The following CACNA1E variants were observed in gnomAD, a reference collection of about 807,000 sequenced individuals.
CACNA1E encodes the protein voltage-dependent R-type calcium channel subunit alpha-1E.
In CACNA1E, 40 loss-of-function variants were observed where a neutral mutation model predicts 259.2. The ratio of observed to expected loss-of-function variants is 0.15; its 90% confidence interval spans 0.12 to 0.20. The LOEUF is 0.20. Ranked by LOEUF, CACNA1E falls within the 10% of genes least tolerant of loss-of-function variation. The pLI is 1.00. For synonymous variants in CACNA1E, 1,104 were observed against 1,138.5 expected, an observed-to-expected ratio of 0.97 and a Z score of 0.61; for missense variants, 1,874 against 3,040.1, an observed-to-expected ratio of 0.62 and a Z score of 9.02.
At chr1:181,717,008 G>A (rs1653958957) in intron 10 of CACNA1E, 85 bp from the exon 11 acceptor site, 7 of 1,094,988 alleles carry the variant, frequency 6.4e-6, no homozygotes, top group Non-Finnish European at 9.7e-6. Context: ...TGGGACTAGA[G>A]CAGCCCATCT....
intron 44 of CACNA1E, among the ~76,000 whole-genome samples, chr1:181,791,920 T>C (rs545101922): frequency 6.6e-6 from 1 of 152,176 alleles, no homozygotes; most frequent in East Asian, 1.9e-4. Context: ...CTCAAACAAA[T>C]GCGTGCTTCT....
At chr1:181,321,146 G>A (rs3894267) in intron 1 of CACNA1E, among the ~76,000 whole-genome samples, 59,077 of 151,932 alleles carry the variant, frequency 0.39, 12,484 homozygotes, top group East Asian at 0.72. Flanking sequence ...TCATTACCTC[G>A]AGGACGGTGC....
chr1:181,371,702 G>A (rs1654721344), intron 1 of CACNA1E, among the ~76,000 whole-genome samples: 1 of 151,944 alleles, frequency 6.6e-6, no homozygotes, highest in Non-Finnish European at 1.5e-5. Context: ...TTTCTATTAG[G>A]GTTTTTATAG....
At chr1:181,581,740 G>A (rs1037563148) in intron 6 of CACNA1E, among the ~76,000 whole-genome samples, 2 of 152,132 alleles carry the variant, frequency 1.3e-5, no homozygotes, top group Non-Finnish European at 1.5e-5. Context: ...AAAGCAGTTT[G>A]GGCAGGTGCT....
chr1:181,597,670 C>A (rs1653326465), intron 6 of CACNA1E, among the ~76,000 whole-genome samples: 1 of 152,148 alleles, frequency 6.6e-6, no homozygotes, highest in African/African-American at 2.4e-5. Flanking sequence ...TAAAGACATA[C>A]CTGAGACTGG....
chr1:181,574,201 C>A (rs996580422), intron 3 of CACNA1E, among the ~76,000 whole-genome samples: 3 of 152,158 alleles, frequency 2.0e-5, no homozygotes, highest in African/African-American at 7.2e-5. Flanking sequence ...ATACCTAGGT[C>A]ACGGGTTGAT....
intron 6 of CACNA1E, among the ~76,000 whole-genome samples, chr1:181,633,506 T>C (rs945804617): frequency 6.6e-6 from 1 of 152,080 alleles, no homozygotes; most frequent in African/African-American, 2.4e-5. Context: ...TTTTTTATTT[T>C]TTTGAGATGG....
At chr1:181,692,716 A>T (rs1314941856) in intron 7 of CACNA1E, among the ~76,000 whole-genome samples, 1 of 152,124 alleles carries the variant, frequency 6.6e-6, no homozygotes, top group Non-Finnish European at 1.5e-5. Context: ...CCTAGGAAAC[A>T]CCATTTTGGA....
At position 181,641,716 on chromosome 1, in the gene CACNA1E, T is replaced by TG. The variant is rs1553308071; in HGVS notation, c.952-9622_952-9621insG. Among the ~76,000 whole-genome samples, 983 of 33,488 alleles carry TG rather than the reference T, an allele frequency of 0.029. 66 individuals carry two copies. The East Asian group carries it at 0.37, about 13-fold the overall frequency. The allele number at this position is 33,488 out of a possible 152,430, so 22.0% of individuals were successfully genotyped here. A position where few individuals can be genotyped will look rare whatever the true frequency, so the allele number is the denominator to read the frequency against. On this transcript the variant is annotated intron_variant, in intron 6 of 47. Transcript: ENST00000367573. ...CACTAATTTTTTGTTTTTTTTTTTT[T>TG]TTTTTTTTTTTTTTTGAGACAGAGT...
chr1:181,621,523 A>G (rs1655716455), intron 6 of CACNA1E, among the ~76,000 whole-genome samples: 1 of 152,196 alleles, frequency 6.6e-6, no homozygotes, highest in South Asian at 2.1e-4. Flanking sequence ...TGTAAAAGGG[A>G]GACAGAAAAA....
chr1:181,733,646 T>C lies in CACNA1E; in HGVS notation c.3158T>C (p.Leu1053Pro). Residue 1053 changes from leucine (L) to proline (P), a missense_variant, in exon 21 of 48, where the codon CTC becomes CCC. By Grantham distance (98) the Leu-to-Pro change is moderately conservative. Around this residue, in one of 14 missense-constraint regions of CACNA1E, gnomAD observed 476 missense variants for 514.0 expected, o/e 0.93. Transcript: ENST00000367573. ...GRVISQSEPD[L>P]SCITANTDKA... ...GTCATCAGCCAGAGCGAGCCTGACC[T>C]CTCCTGCATCACGGCCAACACGGAC... is the stretch of plus-strand genomic sequence containing the variant. The C allele has an allele frequency of 6.2e-7, 1 of 1,611,846 alleles. No homozygotes were observed.
chr1:181,724,615 A>C (rs1409317998), intron 17 of CACNA1E, 78 bp downstream of exon 17: 6 of 1,210,536 alleles, frequency 5.0e-6, no homozygotes, highest in Non-Finnish European at 7.2e-6. Flanking sequence ...TCTCTCCCAA[A>C]GTCTACATTG....
chr1:181,410,101 C>T (rs781741498), intron 1 of CACNA1E, among the ~76,000 whole-genome samples: 1 of 151,974 alleles, frequency 6.6e-6, no homozygotes, highest in African/African-American at 2.4e-5. Flanking sequence ...ATGCTAAGGC[C>T]TGGGGAGGGA....
At chr1:181,704,625 AGT>A (rs1200827433) in intron 7 of CACNA1E, among the ~76,000 whole-genome samples, 1 of 152,054 alleles carries the variant, frequency 6.6e-6, no homozygotes, top group African/African-American at 2.4e-5. Context: ...TGCCAGGATG[AGT>A]GTGTGTTTCC....
intron 3 of CACNA1E, among the ~76,000 whole-genome samples, chr1:181,565,009 A>G (rs1649679143): frequency 6.6e-6 from 1 of 152,078 alleles, no homozygotes; most frequent in Non-Finnish European, 1.5e-5. Context: ...GGCAGAGTAG[A>G]TTTAGCATAA....
chr1:181,513,933 T>C (rs375882133), intron 3 of CACNA1E, among the ~76,000 whole-genome samples: 1 of 152,218 alleles, frequency 6.6e-6, no homozygotes. Flanking sequence ...CACAGGCCCC[T>C]GATTTCCATA....
chr1:181,476,701 G>A (rs1365449733), intron 2 of CACNA1E, among the ~76,000 whole-genome samples: 2 of 152,190 alleles, frequency 1.3e-5, no homozygotes, highest in South Asian at 2.1e-4. Flanking sequence ...CGGGCTGAAC[G>A]AGCTTTGCAA....
At chr1:181,551,837 CCT>C (rs1399920795) in intron 3 of CACNA1E, among the ~76,000 whole-genome samples, 3 of 152,094 alleles carry the variant, frequency 2.0e-5, no homozygotes, top group African/African-American at 7.2e-5. Flanking sequence ...TACATTTTCT[CCT>C]CTCTCCCTCA....
intron 3 of CACNA1E, among the ~76,000 whole-genome samples, chr1:181,545,638 G>C (rs1034643849): frequency 2.6e-5 from 4 of 152,208 alleles, no homozygotes; most frequent in African/African-American, 7.2e-5. Context: ...TCTCCCCTGA[G>C]AACAGGAAAG....
Sources: gnomAD v4.1 joint callset for allele counts (sites outside exome capture counted in the v4.1 genomes callset) on GRCh38, gnomAD v4.1.1 for gene constraint, gnomAD v4.1.1 regional missense constraint, MANE v1.5 for transcripts, NCBI Gene and HGNC (gene_info 2026-07-23, HGNC 2026-07-21) for gene names.